Variants in ZNF600 observed in about 807,000 individuals in gnomAD.
ZNF600 encodes zinc finger protein 600.
A neutral mutation model predicts 7.3 loss-of-function variants in ZNF600; 4 were observed. That is an observed-to-expected ratio of 0.55 (90% confidence interval 0.27 to 1.25). The LOEUF (loss-of-function observed/expected upper bound fraction) is 1.25, where lower values mean the gene tolerates loss of function less well. ZNF600 is among the 50% of genes most tolerant of loss of function. ZNF600 has a pLI of 0.12. For synonymous variants in ZNF600, 290 were observed against 308.9 expected (o/e 0.94, Z 0.64); for missense variants, 911 against 922.1 (o/e 0.99, Z 0.16).
chr19:52,773,082 G>A (rs147854492), intron 3 of ZNF600, among the ~76,000 whole-genome samples: 3,207 of 151,886 alleles, frequency 0.021, 85 homozygotes, highest in African/African-American at 0.074. Flanking sequence ...CTATTACAAA[G>A]TCAATAGGCT....
chr19:52,768,506 C>G (rs1233877354), intron 3 of ZNF600, among the ~76,000 whole-genome samples: 5 of 151,370 alleles, frequency 3.3e-5, no homozygotes, highest in African/African-American at 1.2e-4. Flanking sequence ...ATAAAATTAC[C>G]TATATCCACA....
chr19:52,783,404 C>G (rs1223020743), intron 1 of ZNF600, among the ~76,000 whole-genome samples: 4 of 152,196 alleles, frequency 2.6e-5, no homozygotes, highest in Admixed American at 2.0e-4. Flanking sequence ...CTCTGTCGCC[C>G]AGGCTGGAGG....
upstream of ZNF600, among the ~76,000 whole-genome samples, chr19:52,787,791 C>T (rs2062777785): frequency 1.4e-5 from 2 of 144,230 alleles, no homozygotes; most frequent in South Asian, 2.2e-4. Flanking sequence ...ACCCGGGAGG[C>T]GGAGCGTGCA....
chr19:52,810,834 A>G, the ZNF600 span: 1 of 248,476 alleles, frequency 4.0e-6, no homozygotes, highest in Non-Finnish European at 7.5e-6. Context: ...ATTTTTAAAA[A>G]AAGAGTCCCT....
the ZNF600 span, among the ~76,000 whole-genome samples, chr19:52,829,106 C>G: frequency 6.6e-6 from 1 of 151,898 alleles, no homozygotes; most frequent in African/African-American, 2.4e-5. Context: ...CCTTGTGATT[C>G]ACCCGCCTCG....
chr19:52,803,871 C>T, the ZNF600 span, among the ~76,000 whole-genome samples: 1 of 152,192 alleles, frequency 6.6e-6, no homozygotes. Flanking sequence ...AGGCAGAAAA[C>T]ATTTGTACCC....
chr19:52,778,114 A>G (rs2062691502), intron 2 of ZNF600, among the ~76,000 whole-genome samples: 1 of 149,030 alleles, frequency 6.7e-6, no homozygotes, highest in African/African-American at 2.6e-5. Context: ...CCTGGGTTTA[A>G]GTGATTATCC....
downstream of ZNF600, chr19:52,764,222 GTTTC>G (rs1284190659): frequency 6.6e-6 from 1 of 151,698 alleles, no homozygotes; most frequent in Admixed American, 6.6e-5. Flanking sequence ...TTGTTTGCTG[GTTTC>G]TTTGAGATGG....
the ZNF600 span, among the ~76,000 whole-genome samples, chr19:52,796,754 C>T: frequency 1.3e-5 from 2 of 152,206 alleles, no homozygotes; most frequent in Admixed American, 1.3e-4. Flanking sequence ...AGGCCTGAGC[C>T]ACTGCATCTG....
At chr19:52,807,940 C>T in the ZNF600 span, 17 of 1,606,676 alleles carry the variant, frequency 1.1e-5, no homozygotes, top group Non-Finnish European at 1.4e-5. Flanking sequence ...AAGGATGTGG[C>T]TCCCAAGAGG....
chr19:52,772,414 C>A (rs933654046), intron 3 of ZNF600, among the ~76,000 whole-genome samples: 3 of 152,046 alleles, frequency 2.0e-5, no homozygotes, highest in African/African-American at 4.8e-5. Context: ...ACCAGCCTGG[C>A]CAACATGGTG....
chr19:52,775,709 C>G (rs1262476856), intron 2 of ZNF600, among the ~76,000 whole-genome samples: 6 of 152,258 alleles, frequency 3.9e-5, no homozygotes, highest in South Asian at 4.1e-4. Context: ...AAGTCTGAAT[C>G]TAAAAACTGT....
At chr19:52,779,958 G>A (rs2062707194) in intron 1 of ZNF600, among the ~76,000 whole-genome samples, 1 of 152,132 alleles carries the variant, frequency 6.6e-6, no homozygotes, top group Non-Finnish European at 1.5e-5. Context: ...AGAGGTTGCA[G>A]TGAGCCAAGA....
chr19:52,798,849 A>T, the ZNF600 span: 3 of 1,188,680 alleles, frequency 2.5e-6, no homozygotes, highest in East Asian at 1.0e-4. Flanking sequence ...TCATTATATT[A>T]GTCAAGTTTC....
the ZNF600 span, chr19:52,810,016 C>G: frequency 1.3e-6 from 1 of 754,502 alleles, no homozygotes; most frequent in Non-Finnish European, 2.4e-6. Context: ...CTGTTGGAGC[C>G]GGAGCCCGAA....
At chr19:52,799,847 AT>A in the ZNF600 span, 1 of 1,613,632 alleles carries the variant, frequency 6.2e-7, no homozygotes, top group Non-Finnish European at 8.5e-7. Flanking sequence ...TGCCACATTC[AT>A]TACACTTGTA....
At chr19:52,807,054 T>A in the ZNF600 span, among the ~76,000 whole-genome samples, 25 of 152,186 alleles carry the variant, frequency 1.6e-4, no homozygotes, top group Non-Finnish European at 3.4e-4. Flanking sequence ...TATTTGAAGG[T>A]GGAGCTTCCA....
intron 1 of ZNF600, among the ~76,000 whole-genome samples, chr19:52,786,206 CACCCCAA>C (rs1299019602): frequency 6.6e-6 from 1 of 151,618 alleles, no homozygotes; most frequent in Non-Finnish European, 1.5e-5. Context: ...CCCTGCGACC[CACCCCAA>C]CCCTGGCTCA....
upstream of ZNF600, among the ~76,000 whole-genome samples, chr19:52,789,107 A>T (rs1223156822): frequency 1.3e-5 from 2 of 152,206 alleles, no homozygotes; most frequent in Non-Finnish European, 2.9e-5. Context: ...GGACTGTGGG[A>T]GAACACAAAA....
Sources: allele counts gnomAD v4.1 joint callset (sites outside exome capture counted in the v4.1 genomes callset), GRCh38; gene constraint gnomAD v4.1.1; transcripts MANE v1.5; gene names NCBI Gene and HGNC (gene_info 2026-07-23, HGNC 2026-07-21).